The following ESRRG variants were observed in gnomAD, a reference collection of about 807,000 sequenced individuals.
The protein encoded by ESRRG is estrogen-related receptor gamma.
Under a neutral mutation model 44.0 loss-of-function variants are expected in ESRRG, and 13 were observed. The ratio of observed to expected loss-of-function variants is 0.30; its 90% CI spans 0.19 to 0.47. The LOEUF (loss-of-function observed/expected upper bound fraction) is 0.47, where lower values mean the gene tolerates loss of function less well. Among genes scored for constraint, ESRRG ranks in the 20% least tolerant of loss-of-function variants. The pLI is 1.00. For missense variants in ESRRG, 395 were observed against 580.6 expected (o/e 0.68, Z 3.29); for synonymous variants, 215 against 214.6 (o/e 1.00, Z -0.02).
intron 2 of ESRRG, among the ~76,000 whole-genome samples, chr1:216,873,218 T>TTTG (rs960495994): frequency 2.8e-5 from 4 of 144,952 alleles, no homozygotes; most frequent in African/African-American, 1.1e-4. Flanking sequence ...AGTTTTTTTT[T>TTTG]TTTTTTTTTT....
chr1:216,615,390 G>A (rs1240810845), intron 3 of ESRRG, among the ~76,000 whole-genome samples: 1 of 152,156 alleles, frequency 6.6e-6, no homozygotes, highest in Non-Finnish European at 1.5e-5. Context: ...TCATTCTGTA[G>A]GTTAGTCTAC....
At chr1:216,701,009 T>C (rs2081288144) in intron 1 of ESRRG, among the ~76,000 whole-genome samples, 2 of 152,288 alleles carry the variant, frequency 1.3e-5, no homozygotes, top group South Asian at 4.1e-4. Context: ...TTATGACTCA[T>C]TTCGACTTCA....
At chr1:216,571,258 C>T (rs2060734591) in intron 3 of ESRRG, among the ~76,000 whole-genome samples, 1 of 152,152 alleles carries the variant, frequency 6.6e-6, no homozygotes, top group African/African-American at 2.4e-5. Context: ...GCCTGGCCAA[C>T]ATGGCGAGAA....
chr1:216,796,149 G>A (rs572702089), intron 2 of ESRRG, among the ~76,000 whole-genome samples: 1 of 152,138 alleles, frequency 6.6e-6, no homozygotes. Context: ...AAATTAGCTA[G>A]AGAAGTTCTG....
intron 1 of ESRRG, among the ~76,000 whole-genome samples, chr1:216,682,539 C>T (rs74141635): frequency 6.6e-6 from 1 of 152,180 alleles, no homozygotes; most frequent in African/African-American, 2.4e-5. Context: ...ATCAGAATCA[C>T]AGAATTTCAG....
Position 216,938,063 on chromosome 1 carries a change from C to T in ESRRG, c.-14+1519G>A, listed in dbSNP as rs532553734. Reference sequence around the variant, plus strand: ...CCTCATTCCTTGTGGCTCGGTGCCCCTGCCTTCACCTGCCTCACATTACAA... The same window carrying T: ...CCTCATTCCTTGTGGCTCGGTGCCCTTGCCTTCACCTGCCTCACATTACAA... On this transcript the variant is annotated intron_variant, in intron 2 of 7. Transcript: ENST00000359162. Among the ~76,000 whole-genome samples, 3 of 152,190 alleles carry T rather than the reference C, an allele frequency of 2.0e-5. No individual in the cohort carries two copies. The East Asian group carries it at 5.8e-4, about 29-fold the overall frequency.
At chr1:217,034,148 A>C (rs781520028) in intron 1 of ESRRG, among the ~76,000 whole-genome samples, 1 of 152,190 alleles carries the variant, frequency 6.6e-6, no homozygotes, top group African/African-American at 2.4e-5. Context: ...AGTTATTTAC[A>C]TATAATAGAT....
chr1:216,854,543 G>A (rs2095894730), intron 2 of ESRRG, among the ~76,000 whole-genome samples: 1 of 151,996 alleles, frequency 6.6e-6, no homozygotes, highest in Admixed American at 6.6e-5. Flanking sequence ...AACAGGAACT[G>A]ATAAATTTTG....
chr1:216,991,023 C>G (rs1225099771), intron 1 of ESRRG, among the ~76,000 whole-genome samples: 2 of 152,004 alleles, frequency 1.3e-5, no homozygotes, highest in African/African-American at 4.8e-5. Context: ...GAGGCGAGCA[C>G]TACCATCTGA....
intron 2 of ESRRG, among the ~76,000 whole-genome samples, chr1:216,916,402 A>G (rs1233235308): frequency 6.6e-6 from 1 of 152,244 alleles, no homozygotes; most frequent in Non-Finnish European, 1.5e-5. Flanking sequence ...TGCTAACTTT[A>G]CAAACTCCCA....
At chr1:216,925,492 C>A (rs1012539449) in intron 2 of ESRRG, among the ~76,000 whole-genome samples, 1 of 152,104 alleles carries the variant, frequency 6.6e-6, no homozygotes, top group East Asian at 1.9e-4. Context: ...GAGACAGCAG[C>A]GGTTCCCGGA....
Position 216,947,317 on chromosome 1 carries a change from G to A in ESRRG, c.-105-7644C>T, listed in dbSNP as rs867907962. Reference sequence around the variant, plus strand: ...GTACCCTTGACTCACTGTGCCCTTGGTGCTATTTTTCTCTGACTCAAAATT... The same window carrying A: ...GTACCCTTGACTCACTGTGCCCTTGATGCTATTTTTCTCTGACTCAAAATT... On this transcript the variant is annotated intron_variant, in intron 1 of 7. Transcript: ENST00000359162. Among the ~76,000 whole-genome samples, 3 of 152,068 alleles carry A rather than the reference G, an allele frequency of 2.0e-5. No individual in the cohort carries two copies. The South Asian group carries it at 6.2e-4, about 32-fold the overall frequency.
chr1:217,125,696 T>A (rs1436582245), intron 1 of ESRRG, among the ~76,000 whole-genome samples: 1 of 152,172 alleles, frequency 6.6e-6, no homozygotes, highest in Non-Finnish European at 1.5e-5. Flanking sequence ...AAGAACAACC[T>A]CACTGAACTG....
At chr1:216,522,235 AAG>A (rs1357332694) in intron 5 of ESRRG, among the ~76,000 whole-genome samples, 1 of 150,588 alleles carries the variant, frequency 6.6e-6, no homozygotes, top group African/African-American at 2.4e-5. Flanking sequence ...AGAAGGAAAA[AAG>A]GGGAAGAAAC....
chr1:216,960,818 T>C (rs967448465), intron 1 of ESRRG, among the ~76,000 whole-genome samples: 1 of 152,134 alleles, frequency 6.6e-6, no homozygotes, highest in Admixed American at 6.5e-5. Flanking sequence ...CTTGAACTCC[T>C]GGCTTCAAGC....
At chr1:216,547,756 C>G (rs6673295) in intron 5 of ESRRG, among the ~76,000 whole-genome samples, 43,989 of 151,956 alleles carry the variant, frequency 0.29, 7,356 homozygotes, top group Admixed American at 0.39. Context: ...GTCTGACACA[C>G]AGCTATGCAA....
intron 2 of ESRRG, among the ~76,000 whole-genome samples, chr1:216,776,365 T>A (rs1337756226): frequency 6.6e-6 from 1 of 152,072 alleles, no homozygotes; most frequent in Non-Finnish European, 1.5e-5. Context: ...TTTCCTCGCC[T>A]CAAAGGCTGA....
intron 1 of ESRRG, among the ~76,000 whole-genome samples, chr1:216,683,882 T>C (rs1307495253): frequency 6.6e-6 from 1 of 152,178 alleles, no homozygotes; most frequent in Non-Finnish European, 1.5e-5. Context: ...TAAAATCCCA[T>C]GTCCTGGATA....
intron 3 of ESRRG, among the ~76,000 whole-genome samples, chr1:216,648,822 A>G (rs928022350): frequency 6.6e-5 from 10 of 152,276 alleles, no homozygotes; most frequent in African/African-American, 2.4e-4. Context: ...TTGCTTTTGA[A>G]AAATAATGAT....
Sources: gnomAD v4.1 joint callset for allele counts (sites outside exome capture counted in the v4.1 genomes callset) on GRCh38, gnomAD v4.1.1 for gene constraint, MANE v1.5 for transcripts, NCBI Gene and HGNC (gene_info 2026-07-23, HGNC 2026-07-21) for gene names.